NPR3: variants seen among roughly 807,000 people sequenced by gnomAD.
The protein encoded by NPR3 is atrial natriuretic peptide receptor 3.
NPR3 carries 34 observed loss-of-function variants against 54.5 expected under a neutral mutation model. The ratio of observed to expected loss-of-function variants is 0.62; its 90% CI spans 0.47 to 0.83. NPR3 has a LOEUF of 0.83. Among genes scored for constraint, NPR3 ranks in the 40% least tolerant of loss-of-function variants. The probability of loss-of-function intolerance (pLI) is 0.00; values close to 1 mark genes in which losing one functional copy is unlikely to be tolerated. For synonymous variants in NPR3, 289 were observed against 297.1 expected (o/e 0.97, Z 0.28); for missense variants, 674 against 720.8 (o/e 0.94, Z 0.74).
chr5:32,774,597 C>A, intron 3 of NPR3, 111 bp from the exon 4 acceptor site: 1 of 794,174 alleles, frequency 1.3e-6, no homozygotes. Flanking sequence ...CCCACCTCTG[C>A]CATGGCTAAC....
chr5:32,781,885 G>C (rs1579709257), intron 5 of NPR3, among the ~76,000 whole-genome samples: 1 of 152,314 alleles, frequency 6.6e-6, no homozygotes, highest in Non-Finnish European at 1.5e-5. Flanking sequence ...ACTTCCTCTA[G>C]ACCTGACATG....
upstream of NPR3, chr5:32,709,694 A>G (rs1738107854): frequency 6.6e-6 from 1 of 152,170 alleles, no homozygotes; most frequent in Admixed American, 6.5e-5. Flanking sequence ...AACATTACCC[A>G]TAATCACATT....
intron 1 of NPR3, among the ~76,000 whole-genome samples, chr5:32,702,294 A>G (rs1371085258): frequency 6.6e-6 from 1 of 152,094 alleles, no homozygotes; most frequent in African/African-American, 2.4e-5. Flanking sequence ...GTTTTAGGGT[A>G]CATGTGCACA....
intron 4 of NPR3, among the ~76,000 whole-genome samples, chr5:32,780,189 AAAG>A (rs1389012452): frequency 2.6e-5 from 4 of 152,224 alleles, no homozygotes; most frequent in African/African-American, 9.6e-5. Flanking sequence ...CAACCAAGAT[AAAG>A]AAGAATAGTT....
At chr5:32,771,246 G>A (rs1325153181) in intron 3 of NPR3, among the ~76,000 whole-genome samples, 3 of 152,284 alleles carry the variant, frequency 2.0e-5, no homozygotes, top group African/African-American at 7.2e-5. Flanking sequence ...CTCCCCCGCA[G>A]TGGGCGGGGT....
intron 1 of NPR3, among the ~76,000 whole-genome samples, chr5:32,723,682 T>G (rs976033094): frequency 6.6e-6 from 1 of 152,222 alleles, no homozygotes; most frequent in Non-Finnish European, 1.5e-5. Context: ...TGATGCAGTT[T>G]TTTTTAAAAG....
intron 4 of NPR3, among the ~76,000 whole-genome samples, chr5:32,779,931 A>G (rs1009419306): frequency 3.3e-5 from 5 of 152,160 alleles, no homozygotes; most frequent in Admixed American, 6.6e-5. Context: ...TATTATGCCC[A>G]TTTTACAGTT....
chr5:32,763,215 T>C (rs1358470024), intron 3 of NPR3, among the ~76,000 whole-genome samples: 1 of 152,216 alleles, frequency 6.6e-6, no homozygotes, highest in Non-Finnish European at 1.5e-5. Context: ...ACCAGTACCA[T>C]GCTGTTTTGG....
At chr5:32,714,174 T>G (rs1274769394) in intron 1 of NPR3, among the ~76,000 whole-genome samples, 1 of 152,158 alleles carries the variant, frequency 6.6e-6, no homozygotes, top group Non-Finnish European at 1.5e-5. Flanking sequence ...CGGCTGGGAC[T>G]GGGGGTGTGT....
intron 3 of NPR3, among the ~76,000 whole-genome samples, chr5:32,744,206 T>A (rs972096390): frequency 6.6e-5 from 10 of 152,086 alleles, no homozygotes; most frequent in African/African-American, 2.2e-4. Context: ...TTGGCCAAGA[T>A]GGTCTCGATC....
upstream of NPR3, chr5:32,710,858 G>GTT: frequency 3.8e-6 from 4 of 1,047,764 alleles, no homozygotes; most frequent in South Asian, 3.8e-5. Context: ...CCCCAGTCCT[G>GTT]GTTTTTTTTT....
chr5:32,728,924 C>G (rs1579616792), intron 2 of NPR3, among the ~76,000 whole-genome samples: 1 of 135,430 alleles, frequency 7.4e-6, no homozygotes, highest in Non-Finnish European at 1.6e-5. Flanking sequence ...AACATGAAAT[C>G]CATTTATGTT....
intron 2 of NPR3, among the ~76,000 whole-genome samples, chr5:32,730,105 T>A (rs192717124): frequency 1.4e-4 from 22 of 152,132 alleles, no homozygotes; most frequent in Admixed American, 1.4e-3. Flanking sequence ...AAAAAAAAAG[T>A]TTTCACTATG....
intron 3 of NPR3, among the ~76,000 whole-genome samples, chr5:32,754,585 T>C (rs1290099789): frequency 6.6e-6 from 1 of 152,156 alleles, no homozygotes; most frequent in African/African-American, 2.4e-5. Flanking sequence ...GCTCAAGCTG[T>C]AGGAAATTAG....
At chr5:32,705,325 A>G (rs55665822), upstream of NPR3, among the ~76,000 whole-genome samples, 35,987 of 152,030 alleles carry the variant, frequency 0.24, 4,413 homozygotes, top group Middle Eastern at 0.38. Context: ...CTAACCAACC[A>G]ATCTTGTTTG....
intron 6 of NPR3, chr5:32,783,532 A>G (rs987338740): frequency 6.6e-6 from 1 of 152,472 alleles, no homozygotes; most frequent in Non-Finnish European, 1.5e-5. Context: ...GTAGCTTACA[A>G]ATAGGAAAGC....
Position 32,711,861 on chromosome 5 carries a change from G to A in NPR3, c.85G>A (p.Val29Ile), listed in dbSNP as rs1201218469. The A allele has an allele frequency of 3.4e-6, 5 of 1,463,188 alleles. No homozygotes were observed. The highest frequency in any genetic ancestry group is 5.7e-5 in the Admixed American group (2 of 35,328). 90.6% of individuals were successfully genotyped at this position (1,463,188 alleles called of 1,614,324 possible). ...GGCCGGCGGCACCGGTGGCGGTGGC[G>A]TTGGCGGCGGCGGCGGTGGCGCGGG... ...LLAGGTGGGG[V>I]GGGGGGAGIG... is the part of the protein sequence containing the mutation. The change falls in exon 1 of 8, where the codon GTT (valine) becomes ATT (isoleucine). Residue 29 changes from valine (V) to isoleucine (I), a missense_variant. By Grantham distance (29) the Val-to-Ile change is conservative. Coordinates refer to ENST00000265074, the MANE Select transcript of NPR3 (RefSeq NM_001204375.2).
chr5:32,763,765 T>C (rs1388697774), intron 3 of NPR3, among the ~76,000 whole-genome samples: 1 of 152,226 alleles, frequency 6.6e-6, no homozygotes, highest in Non-Finnish European at 1.5e-5. Context: ...AGCCCCCGCA[T>C]GTCCAGTATG....
chr5:32,707,119 T>C (rs1192524235), upstream of NPR3, among the ~76,000 whole-genome samples: 1 of 152,154 alleles, frequency 6.6e-6, no homozygotes, highest in African/African-American at 2.4e-5. Flanking sequence ...CTATACGTTT[T>C]TCAGAAGTCT....
Sources: allele counts gnomAD v4.1 joint callset (sites outside exome capture counted in the v4.1 genomes callset), GRCh38; gene constraint gnomAD v4.1.1; transcripts MANE v1.5; gene names NCBI Gene and HGNC (gene_info 2026-07-23, HGNC 2026-07-21).